Variants in DLEU7 observed in about 807,000 individuals in gnomAD.
The protein encoded by DLEU7 is leukemia-associated protein 7.
DLEU7 carries 17 observed loss-of-function variants against 16.0 expected under a neutral mutation model. The observed-to-expected ratio is 1.06, with a 90% CI of 0.73 to 1.59. DLEU7 has a LOEUF of 1.59. DLEU7 is among the 40% of genes most tolerant of loss of function. The pLI is 0.00. For missense variants in DLEU7, 308 were observed against 314.9 expected (o/e 0.98, Z 0.17); for synonymous variants, 113 against 139.8 (o/e 0.81, Z 1.35).
intron 1 of DLEU7, among the ~76,000 whole-genome samples, chr13:50,713,708 A>G (rs1873359350): frequency 6.6e-6 from 1 of 152,178 alleles, no homozygotes; most frequent in Non-Finnish European, 1.5e-5. Flanking sequence ...AAGCCTGCAT[A>G]CGGTAGGCAT....
intron 1 of DLEU7, among the ~76,000 whole-genome samples, chr13:50,769,880 A>T (rs529488317): frequency 6.6e-6 from 1 of 152,286 alleles, no homozygotes; most frequent in African/African-American, 2.4e-5. Flanking sequence ...CTTGGGCAGT[A>T]TGGCCATTTT....
chr13:50,721,308 G>A (rs1376799841), intron 1 of DLEU7, among the ~76,000 whole-genome samples: 1 of 152,176 alleles, frequency 6.6e-6, no homozygotes, highest in African/African-American at 2.4e-5. Flanking sequence ...TACTTTTGGG[G>A]TTTTGGGACT....
chr13:50,765,959 G>T (rs1473258404), intron 1 of DLEU7, among the ~76,000 whole-genome samples: 2 of 151,858 alleles, frequency 1.3e-5, no homozygotes, highest in Non-Finnish European at 2.9e-5. Context: ...ATCTAATGTG[G>T]TTTCTACTTG....
intron 1 of DLEU7, among the ~76,000 whole-genome samples, chr13:50,827,811 A>T (rs1877139940): frequency 6.6e-6 from 1 of 152,222 alleles, no homozygotes; most frequent in Non-Finnish European, 1.5e-5. Context: ...GCCTACACAT[A>T]TCAGAAAGCA....
At chr13:50,785,700 T>A (rs981345306) in intron 1 of DLEU7, among the ~76,000 whole-genome samples, 1 of 152,218 alleles carries the variant, frequency 6.6e-6, no homozygotes, top group Non-Finnish European at 1.5e-5. Context: ...TAGCTGAATT[T>A]CCTGACTTGG....
chr13:50,719,258 C>G (rs1873527295), intron 1 of DLEU7, among the ~76,000 whole-genome samples: 1 of 152,172 alleles, frequency 6.6e-6, no homozygotes, highest in Non-Finnish European at 1.5e-5. Flanking sequence ...TATCAGGACT[C>G]TAGCCAGCTT....
At chr13:50,739,070 C>A (rs2137723534) in intron 1 of DLEU7, among the ~76,000 whole-genome samples, 1 of 152,062 alleles carries the variant, frequency 6.6e-6, no homozygotes, top group African/African-American at 2.4e-5. Context: ...TTCTTTCCTG[C>A]CTTGCGGCTT....
intron 1 of DLEU7, among the ~76,000 whole-genome samples, chr13:50,753,777 G>T (rs193180001): frequency 2.7e-4 from 41 of 152,342 alleles, no homozygotes; most frequent in Admixed American, 6.5e-4. Context: ...AGGCTGAAAG[G>T]CTCCTCAAGT....
chr13:50,790,152 C>T (rs187802295), intron 1 of DLEU7, among the ~76,000 whole-genome samples: 47 of 152,110 alleles, frequency 3.1e-4, no homozygotes, highest in Admixed American at 1.3e-3. Flanking sequence ...AGGCTGGTAT[C>T]GAACTCCTGG....
intron 1 of DLEU7, among the ~76,000 whole-genome samples, chr13:50,719,178 G>A (rs1873524242): frequency 6.6e-6 from 1 of 152,160 alleles, no homozygotes; most frequent in Admixed American, 6.5e-5. Flanking sequence ...CATTCTAATT[G>A]CAGGGGCTGG....
chr13:50,843,264 G>A lies in DLEU7; in HGVS notation c.383C>T (p.Thr128Ile). The stretch of plus-strand genomic sequence containing the variant: ...CTGCTCCACGCTGACCAGCTCCGAA[G>A]TCGAGTCCACCACGCGGGCCAGCGC... ...RSALARVVDS[T>I]SELVSVEQTL... is the part of the protein sequence containing the mutation. Residue 128 changes from threonine to isoleucine, a missense_variant, in exon 1 of 2, where the codon ACT becomes ATT. Transcript: ENST00000504404. The surrounding 1 kb of genome is among the most constrained non-coding windows in gnomAD (Gnocchi z 5.7). 1 of 1,591,904 alleles carries A rather than the reference G, an allele frequency of 6.3e-7. No individual in the cohort carries two copies. Among genetic ancestry groups the A allele is most frequent in the South Asian group, 1.1e-5 (1 of 89,908 alleles).
intron 1 of DLEU7, among the ~76,000 whole-genome samples, chr13:50,793,585 A>G (rs1475897078): frequency 1.3e-5 from 2 of 152,166 alleles, no homozygotes; most frequent in Admixed American, 1.3e-4. Flanking sequence ...TTTAATTTGC[A>G]CTTCTCTGAT....
intron 1 of DLEU7, among the ~76,000 whole-genome samples, chr13:50,713,519 A>G (rs996261378): frequency 2.6e-5 from 4 of 152,150 alleles, no homozygotes; most frequent in Admixed American, 2.0e-4. Flanking sequence ...TTTGTATTTT[A>G]TGTTCATCTT....
intron 1 of DLEU7, among the ~76,000 whole-genome samples, chr13:50,786,701 G>C (rs989660160): frequency 2.2e-4 from 34 of 152,236 alleles, no homozygotes; most frequent in African/African-American, 7.7e-4. Flanking sequence ...TTTCAAAATG[G>C]AATTTTTAGA....
chr13:50,755,753 GA>G (rs201819585), intron 1 of DLEU7, among the ~76,000 whole-genome samples: 40 of 116,862 alleles, frequency 3.4e-4, no homozygotes, highest in South Asian at 4.7e-4. Context: ...ATTTTTTTTT[GA>G]GGGGGGGGGC....
chr13:50,802,445 T>C (rs906407135), intron 1 of DLEU7, among the ~76,000 whole-genome samples: 2 of 152,162 alleles, frequency 1.3e-5, no homozygotes, highest in Admixed American at 6.5e-5. Context: ...AATTCTTAGA[T>C]AGCAAGCCCA....
At position 50,787,617 on chromosome 13, in the gene DLEU7, C is replaced by A. The variant is rs976986790; in HGVS notation, c.459+55571G>T. 2.6e-5 allele frequency among the ~76,000 whole-genome samples: 4 copies of A among 152,078 alleles called. No individual in the cohort carries two copies. The East Asian group carries it at 7.7e-4, about 29-fold the overall frequency. On this transcript the variant is annotated intron_variant, in intron 1 of 1. Coordinates refer to the DLEU7 transcript ENST00000400393. ...GTGGAAACAGCTTCCTCACTGAGCTCCCTGCCCCCTGCTGTTCCTACTTTC... is the reference window on the plus strand; with the variant it reads ...GTGGAAACAGCTTCCTCACTGAGCTACCTGCCCCCTGCTGTTCCTACTTTC...
At chr13:50,836,678 G>GA (rs1005729086) in intron 1 of DLEU7, among the ~76,000 whole-genome samples, 30 of 138,856 alleles carry the variant, frequency 2.2e-4, no homozygotes, top group Non-Finnish European at 3.5e-4. Context: ...CATCTCAAAA[G>GA]AAAAAAAAAA....
intron 1 of DLEU7, among the ~76,000 whole-genome samples, chr13:50,765,743 C>T (rs934023228): frequency 6.6e-6 from 1 of 152,024 alleles, no homozygotes; most frequent in East Asian, 1.9e-4. Flanking sequence ...GAACCCCTCA[C>T]ATGTGCCAGG....
Sources: gnomAD v4.1 joint callset for allele counts (sites outside exome capture counted in the v4.1 genomes callset) on GRCh38, gnomAD v4.1.1 for gene constraint, Gnocchi (gnomAD v3.1) non-coding constraint, MANE v1.5 for transcripts, NCBI Gene and HGNC (gene_info 2026-07-23, HGNC 2026-07-21) for gene names.